The following CEMIP variants were observed in gnomAD, a reference collection of about 807,000 sequenced individuals.
CEMIP encodes the protein cell migration inducing hyaluronidase 1, also known as cell migration-inducing and hyaluronan-binding protein.
CEMIP carries 105 observed loss-of-function variants against 156.9 expected under a neutral mutation model. That is an observed-to-expected ratio of 0.67 (90% CI 0.57 to 0.79). The LOEUF (loss-of-function observed/expected upper bound fraction) is 0.79, where lower values mean the gene tolerates loss of function less well. Among genes scored for constraint, CEMIP ranks in the 30% least tolerant of loss-of-function variants. CEMIP has a pLI of 0.00. For synonymous variants in CEMIP, 676 were observed against 668.4 expected, an observed-to-expected ratio of 1.01 and a Z score of -0.17; for missense variants, 1,457 against 1,769.4, an observed-to-expected ratio of 0.82 and a Z score of 3.17.
At chr15:80,838,124 T>C (rs1442189171) in intron 1 of CEMIP, among the ~76,000 whole-genome samples, 2 of 152,174 alleles carry the variant, frequency 1.3e-5, no homozygotes, top group Admixed American at 6.5e-5. Flanking sequence ...GGAAGTGTGA[T>C]AGAGGAGAGG....
Position 80,834,900 on chromosome 15 carries a change from T to G in CEMIP, c.-175-38638T>G, listed in dbSNP as rs886523007. On this transcript the variant is annotated intron_variant, in intron 1 of 29. Transcript: ENST00000394685. ...TTCCAATTCATGAAGATAGGATCTA[T>G]CCATTATTTAGGCCTTTGAAAATTT... is the stretch of plus-strand genomic sequence containing the variant. Among the ~76,000 whole-genome samples, 3 of 152,164 alleles carry G rather than the reference T, an allele frequency of 2.0e-5. No homozygotes were observed. The East Asian group carries it at 5.8e-4, about 29-fold the overall frequency.
chr15:80,907,431 G>A (rs368774361), intron 13 of CEMIP, among the ~76,000 whole-genome samples: 9 of 152,078 alleles, frequency 5.9e-5, no homozygotes, highest in Non-Finnish European at 8.8e-5. Flanking sequence ...GGCTGGTGGC[G>A]GGCGCCTGTA....
At chr15:80,866,481 A>G (rs1290038970) in intron 1 of CEMIP, among the ~76,000 whole-genome samples, 4 of 152,076 alleles carry the variant, frequency 2.6e-5, no homozygotes, top group Admixed American at 1.3e-4. Flanking sequence ...AATCCCAGCT[A>G]CTGGGGAGGC....
At chr15:80,914,111 G>T (rs1174151491) in intron 14 of CEMIP, among the ~76,000 whole-genome samples, 2 of 152,156 alleles carry the variant, frequency 1.3e-5, no homozygotes, top group African/African-American at 4.8e-5. Context: ...TCTGTAGGCT[G>T]GATAGTGGGG....
chr15:80,898,397 G>A (rs368973349), intron 12 of CEMIP, among the ~76,000 whole-genome samples: 2 of 152,138 alleles, frequency 1.3e-5, no homozygotes, highest in Non-Finnish European at 2.9e-5. Flanking sequence ...CACAGTAAGT[G>A]CTTAATGAAT....
chr15:80,948,761 G>C (rs762997717), intron 29 of CEMIP, 36 bp from the exon 30 acceptor site: 1 of 1,613,802 alleles, frequency 6.2e-7, no homozygotes, highest in Admixed American at 1.7e-5. Context: ...TCCTCTCATA[G>C]GGCTTTTGCT....
At chr15:80,939,414 GGAGT>G (rs1367536707) in intron 25 of CEMIP, among the ~76,000 whole-genome samples, 8 of 152,222 alleles carry the variant, frequency 5.3e-5, no homozygotes, top group Non-Finnish European at 1.2e-4. Flanking sequence ...CAGAGGAGGA[GGAGT>G]GAGATATGCC....
intron 24 of CEMIP, among the ~76,000 whole-genome samples, chr15:80,937,219 G>A (rs1901162917): frequency 6.6e-6 from 1 of 152,210 alleles, no homozygotes; most frequent in South Asian, 2.1e-4. Flanking sequence ...GCCAGTGCTC[G>A]ACAGATGACA....
At chr15:80,849,240 A>G (rs1437618759) in intron 1 of CEMIP, among the ~76,000 whole-genome samples, 3 of 151,802 alleles carry the variant, frequency 2.0e-5, no homozygotes, top group African/African-American at 4.8e-5. Flanking sequence ...TGGCCTCCCA[A>G]AGTGCTGGGA....
At chr15:80,862,484 AG>A (rs913043015) in intron 1 of CEMIP, among the ~76,000 whole-genome samples, 3 of 152,238 alleles carry the variant, frequency 2.0e-5, no homozygotes, top group Non-Finnish European at 4.4e-5. Flanking sequence ...ATTCATTACC[AG>A]GTCCTATGTG....
intron 1 of CEMIP, among the ~76,000 whole-genome samples, chr15:80,844,289 G>C (rs2141716798): frequency 6.6e-6 from 1 of 152,316 alleles, no homozygotes; most frequent in East Asian, 1.9e-4. Flanking sequence ...CTCTCTGCCT[G>C]CGCCCCCCAG....
intron 14 of CEMIP, chr15:80,909,835 A>T (rs1056335057): frequency 1.1e-5 from 4 of 350,778 alleles, no homozygotes; most frequent in Non-Finnish European, 2.3e-5. Context: ...TTTCGTACTA[A>T]ATTGACCTTT....
At chr15:80,907,810 C>G (rs1209759005) in intron 13 of CEMIP, among the ~76,000 whole-genome samples, 3 of 152,226 alleles carry the variant, frequency 2.0e-5, no homozygotes, top group Non-Finnish European at 2.9e-5. Context: ...CCCACAATTT[C>G]TTCATGTGGT....
intron 6 of CEMIP, among the ~76,000 whole-genome samples, chr15:80,883,402 A>G (rs1898729607): frequency 6.6e-6 from 1 of 152,250 alleles, no homozygotes; most frequent in Non-Finnish European, 1.5e-5. Flanking sequence ...GCTGTCTAAC[A>G]TTGCAAAATA....
chr15:80,796,927 TTGTC>T (rs1896244410), intron 1 of CEMIP, among the ~76,000 whole-genome samples: 1 of 152,114 alleles, frequency 6.6e-6, no homozygotes, highest in Non-Finnish European at 1.5e-5. Context: ...TAGTAAGAAT[TTGTC>T]TGTTGATTAG....
At chr15:80,811,919 G>C (rs1223413416) in intron 1 of CEMIP, among the ~76,000 whole-genome samples, 2 of 152,186 alleles carry the variant, frequency 1.3e-5, no homozygotes, top group Admixed American at 1.3e-4. Context: ...TTTGACAGTT[G>C]CTTTGAGTGC....
intron 12 of CEMIP, among the ~76,000 whole-genome samples, chr15:80,900,668 G>GTGTGTGTGTATTT (rs1228224463): frequency 4.1e-5 from 6 of 146,580 alleles, no homozygotes; most frequent in African/African-American, 1.5e-4. Flanking sequence ...GTGTCTGTGT[G>GTGTGTGTGTATTT]TGTGTGTGTA....
At position 80,920,093 on chromosome 15, in the gene CEMIP, G is replaced by A. The variant is rs1444483600; in HGVS notation, c.1798-1G>A. On this transcript the variant is annotated splice_acceptor_variant, in intron 14 of 29. Transcript: ENST00000394685. LOFTEE classifies it high-confidence loss of function. ...AAACACCCCTGTCTTGACCCCTGCA[G>A]ATCAAGGACGTTGTGGGCTATAACT... is the stretch of plus-strand genomic sequence containing the variant. 1.2e-6 allele frequency: 2 copies of A among 1,614,124 alleles called. No homozygotes were observed. The highest frequency in any genetic ancestry group is 1.7e-5 in the Admixed American group (1 of 60,010).
chr15:80,915,902 G>C (rs1243378291), intron 14 of CEMIP, among the ~76,000 whole-genome samples: 1 of 152,158 alleles, frequency 6.6e-6, no homozygotes, highest in African/African-American at 2.4e-5. Flanking sequence ...CTTTTCAGCA[G>C]TTCAAAAAGA....
Sources: allele counts gnomAD v4.1 joint callset (sites outside exome capture counted in the v4.1 genomes callset), GRCh38; gene constraint gnomAD v4.1.1; transcripts MANE v1.5; gene names NCBI Gene and HGNC (gene_info 2026-07-23, HGNC 2026-07-21).